GDF1: variants seen among roughly 807,000 people sequenced by gnomAD.
The protein encoded by GDF1 is growth differentiation factor 1.
A neutral mutation model predicts 7.4 loss-of-function variants in GDF1; 8 were observed. The ratio of observed to expected loss-of-function variants is 1.09; its 90% CI spans 0.64 to 1.96. The LOEUF is 1.96. Among genes scored for constraint, GDF1 ranks in the 30% most tolerant of loss-of-function variants. The pLI, the probability that GDF1 is intolerant of heterozygous loss-of-function variation, is 0.00. For synonymous variants in GDF1, 311 were observed against 276.7 expected, an observed-to-expected ratio of 1.12 and a Z score of -1.23; for missense variants, 574 against 551.5, an observed-to-expected ratio of 1.04 and a Z score of -0.41.
chr19:18,885,511 GT>G lies in GDF1; in HGVS notation c.-913-1245del, dbSNP rs59793456. Among the ~76,000 whole-genome samples, 23 of 22,122 alleles carry G rather than the reference GT, an allele frequency of 1.0e-3. 1 individual carries two copies. Among genetic ancestry groups the G allele is most frequent in the East Asian group, 6.5e-3 (8 of 1,238 alleles). 14.5% of individuals were successfully genotyped at this position (22,122 alleles called of 152,430 possible). On this transcript the variant is annotated intron_variant, in intron 2 of 7. Coordinates refer to ENST00000247005, the MANE Select transcript of GDF1 (RefSeq NM_001492.6). ...CTCACCCAGCCCAGCGCCCCTTCTC[GT>G]TTTTTTTTTTTTTTTTTTTTTTTTT...
chr19:18,880,251 G>A (rs776518745), intron 4 of GDF1, 23 bp downstream of exon 4: 3 of 1,532,264 alleles, frequency 2.0e-6, no homozygotes, highest in South Asian at 1.2e-5. Context: ...CTCCCTCCCT[G>A]CCCAGCACTC....
In GDF1 at chr19:18,878,635, ACTCC is replaced by A. The variant is rs2056110700; in HGVS notation, c.-313+291_-313+294del. On this transcript the variant is annotated intron_variant, in intron 6 of 7. Transcript: ENST00000247005. This position sits in a 1 kb window ranked among gnomAD's most constrained non-coding sequence, Gnocchi z 4.6. Reference sequence around the variant, plus strand: ...ACCACCCACAGGGCCCTGGCTCGCCACTCCCGCCACACCAGCCACTAGGCCTGGC... The same window carrying A: ...ACCACCCACAGGGCCCTGGCTCGCCACGCCACACCAGCCACTAGGCCTGGC... 1.6e-6 allele frequency: 2 copies of A among 1,214,644 alleles called. No individual in the cohort carries two copies. The highest frequency in any genetic ancestry group is 3.2e-5 in the African/African-American group (2 of 63,158). 75.2% of individuals were successfully genotyped at this position (1,214,644 alleles called of 1,614,324 possible).
At chr19:18,877,740 G>C (rs2056085408) in intron 6 of GDF1, among the ~76,000 whole-genome samples, 1 of 137,772 alleles carries the variant, frequency 7.3e-6, no homozygotes, top group African/African-American at 2.8e-5. Flanking sequence ...CTGGACGACA[G>C]AGTGAGACCC....
chr19:18,893,847 G>C (rs2056558707), intron 1 of GDF1, among the ~76,000 whole-genome samples: 1 of 151,990 alleles, frequency 6.6e-6, no homozygotes, highest in Non-Finnish European at 1.5e-5. Flanking sequence ...GGCCAGAAGG[G>C]GGACACTTGG....
intron 2 of GDF1, among the ~76,000 whole-genome samples, chr19:18,890,325 T>G (rs2056459546): frequency 6.6e-6 from 1 of 152,228 alleles, no homozygotes; most frequent in African/African-American, 2.4e-5. Context: ...GTTGATAGAC[T>G]GCGTACTGCA....
chr19:18,884,159 C>T lies in GDF1; in HGVS notation c.-805G>A, dbSNP rs201631527. 1.5e-5 allele frequency: 24 copies of T among 1,613,696 alleles called. No individual in the cohort carries two copies. The highest frequency in any genetic ancestry group is 1.5e-5 in the Non-Finnish European group (18 of 1,179,826). ...GAGCAGCATGACCACCGAGTCCTTGCGCCAGGTGTCCATGTATAGCGTAGC... is the reference window on the plus strand; with the variant it reads ...GAGCAGCATGACCACCGAGTCCTTGTGCCAGGTGTCCATGTATAGCGTAGC... On this transcript the variant is annotated 5_prime_UTR_variant, in exon 3 of 8. Transcript: ENST00000247005.
Position 18,878,674 on chromosome 19 carries a change from C to A in GDF1, c.-313+256G>T. The A allele has an allele frequency of 7.6e-7, 1 of 1,320,528 alleles. No individual in the cohort carries two copies. The allele number at this position is 1,320,528 out of a possible 1,614,324, so 81.8% of individuals were successfully genotyped here. ...AGCCACTAGGCCTGGCCCTCAGTGT[C>A]CCTACCGCTGAGACCCTGCCTGTCG... On this transcript the variant is annotated intron_variant, in intron 6 of 7. Transcript: ENST00000247005. This position sits in a 1 kb window ranked among gnomAD's most constrained non-coding sequence, Gnocchi z 4.6.
Position 18,885,897 on chromosome 19 carries a change from G to A in GDF1, c.-913-1630C>T, listed in dbSNP as rs1171410602. Among the ~76,000 whole-genome samples the A allele has an allele frequency of 2.6e-5, 4 of 152,124 alleles. No homozygotes were observed. In the East Asian group the frequency reaches 7.7e-4, roughly 29 times the overall value. Reference sequence around the variant, plus strand: ...GCAAATCCCTGGCCCTGACAGATGCGGCTGCCCACGGAGTCTTGCCATGCC... The same window carrying A: ...GCAAATCCCTGGCCCTGACAGATGCAGCTGCCCACGGAGTCTTGCCATGCC... On this transcript the variant is annotated intron_variant, in intron 2 of 7. Transcript: ENST00000247005.
chr19:18,870,497 G>T lies in GDF1; in HGVS notation c.-190C>A. 1 of 551,110 alleles carries T rather than the reference G, an allele frequency of 1.8e-6. No individual in the cohort carries two copies. The allele number at this position is 551,110 out of a possible 1,614,324, so 34.1% of individuals were successfully genotyped here. On this transcript the variant is annotated 5_prime_UTR_variant, in exon 7 of 8. Coordinates refer to ENST00000247005, the MANE Select transcript of GDF1 (RefSeq NM_001492.6). The surrounding 1 kb of genome is among the most constrained non-coding windows in gnomAD (Gnocchi z 5.1). Reference sequence around the variant, plus strand: ...CCCTAGAGGAGCAGAGTTGGAGGGGGTGGAGGGGCGGCCAAGGACGGGGAG... The same window carrying T: ...CCCTAGAGGAGCAGAGTTGGAGGGGTTGGAGGGGCGGCCAAGGACGGGGAG...
At position 18,884,286 on chromosome 19, in the gene GDF1, CA is replaced by C; in HGVS notation, c.-913-20del. On this transcript the variant is annotated intron_variant, in intron 2 of 7. Transcript: ENST00000247005. ...GTCCAGTCTGGGGAGAGCCAAATCT[CA>C]CAGTCAGGGCCCTGCGAAGCCTCTA... 1 of 1,602,618 alleles carries C rather than the reference CA, an allele frequency of 6.2e-7. No homozygotes were observed. Among genetic ancestry groups the C allele is most frequent in the Non-Finnish European group, 8.5e-7 (1 of 1,176,058 alleles).
intron 1 of GDF1, among the ~76,000 whole-genome samples, chr19:18,894,577 G>A (rs2056578942): frequency 6.6e-6 from 1 of 152,140 alleles, no homozygotes; most frequent in Non-Finnish European, 1.5e-5. Context: ...TGTCCCGCAG[G>A]GGTGGGGGAC....
intron 6 of GDF1, chr19:18,877,952 C>A: frequency 1.0e-6 from 1 of 983,856 alleles, no homozygotes; most frequent in Non-Finnish European, 1.2e-6. Flanking sequence ...TCATCTACAC[C>A]CAAGGCGAAT....
rs578219025 is a variant in GDF1 at position 18,869,398 on chromosome 19, G to T, written c.326-8C>A. On this transcript the variant is annotated splice_polypyrimidine_tract_variant and splice_region_variant and intron_variant, in intron 7 of 7. Transcript: ENST00000247005. ...AGGCCCGGGTGGGCGCACCTGGGGA[G>T]GTAGGAACAGGAACTCGGCTCGCGC... 5.9e-6 allele frequency: 9 copies of T among 1,528,356 alleles called. No homozygotes were observed. In the South Asian group the frequency reaches 1.1e-4, roughly 18 times the overall value. The allele number at this position is 1,528,356 out of a possible 1,614,324, so 94.7% of individuals were successfully genotyped here.
chr19:18,875,751 CATG>C (rs947982071), intron 6 of GDF1, among the ~76,000 whole-genome samples: 1 of 152,100 alleles, frequency 6.6e-6, no homozygotes, highest in Admixed American at 6.6e-5. Context: ...CCTGCTTCAC[CATG>C]ATAAGTGTCC....
Position 18,882,693 on chromosome 19 carries a change from ACG to A in GDF1, c.-733+1392_-733+1393del, listed in dbSNP as rs879390964. On this transcript the variant is annotated intron_variant, in intron 3 of 7. Transcript: ENST00000247005. ...AGTAATTTTAAAAATGTATTTATGT[ACG>A]TGTTTGTTTATTTTTGAGACGGAGT... 5.5e-3 allele frequency among the ~76,000 whole-genome samples: 817 copies of A among 148,986 alleles called. 1 individual carries two copies. The highest frequency in any genetic ancestry group is 0.024 in the Middle Eastern group (7 of 290).
intron 1 of GDF1, among the ~76,000 whole-genome samples, chr19:18,894,283 G>C (rs2056571721): frequency 6.6e-6 from 1 of 151,948 alleles, no homozygotes; most frequent in South Asian, 2.1e-4. Flanking sequence ...CTCCAGAGCT[G>C]CCCGGCCAAG....
Position 18,868,821 on chromosome 19 carries a change from G to T in GDF1, c.895C>A (p.Gln299Lys). Residue 299 changes from glutamine (Q) to lysine (K), a missense_variant, in exon 8 of 8, where the codon CAG becomes AAG. Transcript: ENST00000247005. ...RGFLANYCQG[Q>K]CALPVALSGS... Reference sequence around the variant, plus strand: ...GACAGCGCGACGGGCAGCGCGCACTGACCCTGGCAGTAGTTGGCCAGGAAG... The same window carrying T: ...GACAGCGCGACGGGCAGCGCGCACTTACCCTGGCAGTAGTTGGCCAGGAAG... The T allele has an allele frequency of 2.1e-6, 3 of 1,457,648 alleles. No homozygotes were observed. Among genetic ancestry groups the T allele is most frequent in the South Asian group, 2.5e-5 (2 of 81,160 alleles). 90.3% of individuals were successfully genotyped at this position (1,457,648 alleles called of 1,614,324 possible). A position where few individuals can be genotyped will look rare whatever the true frequency, so the allele number is the denominator to read the frequency against.
Position 18,886,931 on chromosome 19 carries a change from T to C in GDF1, c.-913-2664A>G, listed in dbSNP as rs548139638. On this transcript the variant is annotated intron_variant, in intron 2 of 7. Coordinates refer to ENST00000247005, the MANE Select transcript of GDF1 (RefSeq NM_001492.6). ...TCTCTCCAGCGATCCCTGGCCCCCA[T>C]GACTGTTTGTCCACTCTCCTCACTC... Among the ~76,000 whole-genome samples, 3 of 152,052 alleles carry C rather than the reference T, an allele frequency of 2.0e-5. No homozygotes were observed. The South Asian group carries it at 6.3e-4, about 32-fold the overall frequency.
rs199956210 is a variant in GDF1 at position 18,893,476 on chromosome 19, C to A, written c.-974G>T. The A allele has an allele frequency of 1.2e-4, 200 of 1,607,116 alleles. No individual in the cohort carries two copies. Among genetic ancestry groups the A allele is most frequent in the Non-Finnish European group, 1.6e-4 (192 of 1,177,100 alleles). ...TAGTCGGTGCCAAACAGCAGGTAGG[C>A]ACTGTAGCTCCAGCTGCCCAGGTAG... is the stretch of plus-strand genomic sequence containing the variant. On this transcript the variant is annotated 5_prime_UTR_variant, in exon 2 of 8. Transcript: ENST00000247005.
Sources: gnomAD v4.1 joint callset for allele counts (sites outside exome capture counted in the v4.1 genomes callset) on GRCh38, gnomAD v4.1.1 for gene constraint, Gnocchi (gnomAD v3.1) non-coding constraint, MANE v1.5 for transcripts, NCBI Gene and HGNC (gene_info 2026-07-23, HGNC 2026-07-21) for gene names.